The following KCNH7 variants were observed in gnomAD, a reference collection of about 807,000 sequenced individuals.
KCNH7 encodes potassium voltage-gated channel subfamily H member 7.
In KCNH7, 49 loss-of-function variants were observed where a neutral mutation model predicts 120.8. The ratio of observed to expected loss-of-function variants is 0.41; its 90% confidence interval spans 0.32 to 0.51. The LOEUF (loss-of-function observed/expected upper bound fraction) is 0.51, where lower values mean the gene tolerates loss of function less well. KCNH7 is among the 20% of genes least tolerant of loss of function. The pLI, the probability that KCNH7 is intolerant of heterozygous loss-of-function variation, is 0.38. For missense variants in KCNH7, 1,097 were observed against 1,446.6 expected, an observed-to-expected ratio of 0.76 and a Z score of 3.92; for synonymous variants, 547 against 516.1, an observed-to-expected ratio of 1.06 and a Z score of -0.81.
chr2:162,724,170 G>C (rs1021285735), intron 2 of KCNH7, among the ~76,000 whole-genome samples: 12 of 152,062 alleles, frequency 7.9e-5, no homozygotes, highest in African/African-American at 2.9e-4. Context: ...GTGTTTGTGT[G>C]TGCGCACCTC....
chr2:162,627,474 A>C (rs1259653539), intron 2 of KCNH7, among the ~76,000 whole-genome samples: 1 of 152,222 alleles, frequency 6.6e-6, no homozygotes, highest in Non-Finnish European at 1.5e-5. Flanking sequence ...ATTAGAGGTA[A>C]CTGAAAATTT....
At chr2:162,530,541 G>A (rs1239946372) in intron 3 of KCNH7, among the ~76,000 whole-genome samples, 3 of 151,906 alleles carry the variant, frequency 2.0e-5, no homozygotes, top group African/African-American at 7.2e-5. Context: ...AAAGGGAAAT[G>A]TCAGTTTAAA....
chr2:162,396,122 A>T (rs1243416376), intron 11 of KCNH7, among the ~76,000 whole-genome samples: 3 of 151,764 alleles, frequency 2.0e-5, no homozygotes, highest in Admixed American at 1.3e-4. Flanking sequence ...AAGAGTAAGG[A>T]ACATAAGAGC....
intron 2 of KCNH7, among the ~76,000 whole-genome samples, chr2:162,691,121 C>T (rs1260577220): frequency 6.6e-6 from 1 of 152,100 alleles, no homozygotes; most frequent in East Asian, 1.9e-4. Flanking sequence ...GACATCTCTC[C>T]AAACAGGTAT....
At chr2:162,751,673 C>T (rs1481321535) in intron 2 of KCNH7, among the ~76,000 whole-genome samples, 1 of 151,850 alleles carries the variant, frequency 6.6e-6, no homozygotes, top group Non-Finnish European at 1.5e-5. Context: ...ATAAGTTGAT[C>T]ATTTATATTT....
chr2:162,800,975 T>G (rs183617607), intron 2 of KCNH7, among the ~76,000 whole-genome samples: 1 of 151,898 alleles, frequency 6.6e-6, no homozygotes, highest in Non-Finnish European at 1.5e-5. Flanking sequence ...TCTCTCCTTG[T>G]AAGAAAGGAT....
chr2:162,822,653 T>C (rs985800154), intron 2 of KCNH7, among the ~76,000 whole-genome samples: 11 of 152,236 alleles, frequency 7.2e-5, no homozygotes, highest in African/African-American at 2.7e-4. Context: ...ATGTTTCAAT[T>C]CATTCAATTA....
intron 13 of KCNH7, among the ~76,000 whole-genome samples, 196 bp downstream of exon 13, chr2:162,384,488 GTGTT>G (rs1686516511): frequency 6.6e-6 from 1 of 151,936 alleles, no homozygotes; most frequent in African/African-American, 2.4e-5. Flanking sequence ...CACTCTATAA[GTGTT>G]TGGGAATAAT....
chr2:162,704,977 T>C (rs1686643512), intron 2 of KCNH7, among the ~76,000 whole-genome samples: 1 of 152,228 alleles, frequency 6.6e-6, no homozygotes, highest in African/African-American at 2.4e-5. Flanking sequence ...TTAAGTTTTT[T>C]AGCACTTTTA....
At chr2:162,470,642 C>T (rs755051843) in intron 6 of KCNH7, among the ~76,000 whole-genome samples, 6 of 151,082 alleles carry the variant, frequency 4.0e-5, no homozygotes, top group Admixed American at 1.3e-4. Flanking sequence ...GCCCCCCGCC[C>T]GGCCAGCCGC....
chr2:162,497,067 C>T (rs1690520365), intron 6 of KCNH7: 1 of 152,122 alleles, frequency 6.6e-6, no homozygotes, highest in African/African-American at 2.4e-5. Context: ...TAATTTTAAA[C>T]ATTAGCTAAG....
At chr2:162,736,526 G>A (rs1458872458) in intron 2 of KCNH7, among the ~76,000 whole-genome samples, 1 of 152,160 alleles carries the variant, frequency 6.6e-6, no homozygotes, top group African/African-American at 2.4e-5. Context: ...TATAGATTGA[G>A]GATGATGTTG....
rs60201823 is a variant in KCNH7 at position 162,601,399 on chromosome 2, CTTTTTTT to C, written c.308-64326_308-64320del. ...AAATTTTAAAAAAGTACTTCTTGTGCTTTTTTTTTTTTTTTTTTTTTTTTTTTGCTTA... is the reference window on the plus strand; with the variant it reads ...AAATTTTAAAAAAGTACTTCTTGTGCTTTTTTTTTTTTTTTTTTTTGCTTA... On this transcript the variant is annotated intron_variant, in intron 2 of 15. Transcript: ENST00000332142. 6.2e-4 allele frequency among the ~76,000 whole-genome samples: 6 copies of C among 9,602 alleles called. No individual in the cohort carries two copies. The East Asian group carries it at 0.01, about 17-fold the overall frequency. The allele number at this position is 9,602 out of a possible 152,430, so 6.3% of individuals were successfully genotyped here. A position where few individuals can be genotyped will look rare whatever the true frequency, so the allele number is the denominator to read the frequency against.
chr2:162,751,782 A>G (rs1267710784), intron 2 of KCNH7, among the ~76,000 whole-genome samples: 2 of 151,784 alleles, frequency 1.3e-5, no homozygotes, highest in Admixed American at 6.6e-5. Flanking sequence ...TTTATATTCT[A>G]ACTAAACATT....
intron 2 of KCNH7, among the ~76,000 whole-genome samples, chr2:162,617,658 A>G (rs1200221714): frequency 6.6e-6 from 1 of 152,140 alleles, no homozygotes; most frequent in African/African-American, 2.4e-5. Context: ...TTATCTCAAC[A>G]CAGAAATTGT....
At chr2:162,388,663 A>C (rs1686651383) in intron 12 of KCNH7, among the ~76,000 whole-genome samples, 1 of 151,992 alleles carries the variant, frequency 6.6e-6, no homozygotes, top group African/African-American at 2.4e-5. Flanking sequence ...AAACCAGAAT[A>C]GAATTATCAC....
chr2:162,738,677 G>T (rs545524912), intron 2 of KCNH7, among the ~76,000 whole-genome samples: 48 of 152,274 alleles, frequency 3.2e-4, no homozygotes, highest in African/African-American at 1.2e-3. Context: ...TCTGGTATCT[G>T]TCTGGCTGTT....
chr2:162,520,433 G>T (rs971962586), intron 3 of KCNH7, among the ~76,000 whole-genome samples: 5 of 151,316 alleles, frequency 3.3e-5, no homozygotes, highest in South Asian at 2.1e-4. Context: ...TACCATTATT[G>T]TCCACCCTTA....
chr2:162,622,144 C>T (rs940822201), intron 2 of KCNH7, among the ~76,000 whole-genome samples: 2 of 152,146 alleles, frequency 1.3e-5, no homozygotes, highest in African/African-American at 4.8e-5. Context: ...CATTCTTATG[C>T]ATAGTTATCA....
Sources: allele counts gnomAD v4.1 joint callset (sites outside exome capture counted in the v4.1 genomes callset), GRCh38; gene constraint gnomAD v4.1.1; transcripts MANE v1.5; gene names NCBI Gene and HGNC (gene_info 2026-07-23, HGNC 2026-07-21).